FLRT2: variants seen among roughly 807,000 people sequenced by gnomAD.
The protein encoded by FLRT2 is fibronectin leucine rich transmembrane protein 2.
Under a neutral mutation model 40.0 loss-of-function variants are expected in FLRT2, and 15 were observed. The ratio of observed to expected loss-of-function variants is 0.38; its 90% CI spans 0.25 to 0.58. The LOEUF is 0.58. Among genes scored for constraint, FLRT2 ranks in the 20% least tolerant of loss-of-function variants. The pLI, the probability that FLRT2 is intolerant of heterozygous loss-of-function variation, is 0.71. For missense variants in FLRT2, 726 were observed against 840.0 expected, an observed-to-expected ratio of 0.86 and a Z score of 1.68; for synonymous variants, 380 against 336.8, an observed-to-expected ratio of 1.13 and a Z score of -1.41.
chr14:85,594,646 T>G (rs937009262), intron 1 of FLRT2, among the ~76,000 whole-genome samples: 4 of 152,164 alleles, frequency 2.6e-5, no homozygotes, highest in African/African-American at 9.7e-5. Flanking sequence ...GAGAAACACA[T>G]GTTTTGGTAC....
chr14:85,600,516 G>A (rs1892337659), intron 1 of FLRT2, among the ~76,000 whole-genome samples: 1 of 152,200 alleles, frequency 6.6e-6, no homozygotes. Flanking sequence ...GACTCTGACA[G>A]GACATCAGAG....
chr14:85,599,968 T>G (rs1052215183), intron 1 of FLRT2, among the ~76,000 whole-genome samples: 2 of 152,148 alleles, frequency 1.3e-5, no homozygotes, highest in Non-Finnish European at 2.9e-5. Context: ...CAGTATATGA[T>G]GGGCACAATG....
Position 85,644,229 on chromosome 14 carries a change from A to G in FLRT2, c.*20732A>G, listed in dbSNP as rs919080329. On this transcript the variant is annotated 3_prime_UTR_variant, in exon 2 of 2. Coordinates refer to ENST00000330753, the MANE Select transcript of FLRT2 (RefSeq NM_013231.6). ...TACTCAGGTGGTAATTCCAGTTGCT[A>G]TGGTTGTGGAAGATATGGTCTCTAC... 1.3e-5 allele frequency: 2 copies of G among 152,102 alleles called. No individual in the cohort carries two copies. Among genetic ancestry groups the G allele is most frequent in the African/African-American group, 4.8e-5 (2 of 41,408 alleles). 9.4% of individuals were successfully genotyped at this position (152,102 alleles called of 1,614,324 possible). A position where few individuals can be genotyped will look rare whatever the true frequency, so the allele number is the denominator to read the frequency against.
intron 1 of FLRT2, among the ~76,000 whole-genome samples, chr14:85,564,083 G>A (rs984373493): frequency 1.3e-5 from 2 of 152,158 alleles, no homozygotes; most frequent in African/African-American, 4.8e-5. Flanking sequence ...GGAGAGGGTG[G>A]ACAGAGCGTT....
chr14:85,535,030 C>A (rs1352204505), intron 1 of FLRT2, among the ~76,000 whole-genome samples: 2 of 152,230 alleles, frequency 1.3e-5, no homozygotes, highest in African/African-American at 4.8e-5. Flanking sequence ...GTTAGCTAAC[C>A]AAGTGTAAGG....
In FLRT2 at chr14:85,602,826, T is replaced by C. The variant is rs562096547; in HGVS notation, c.-376-18313T>C. 1.6e-4 allele frequency among the ~76,000 whole-genome samples: 25 copies of C among 152,192 alleles called. 1 individual carries two copies. In the South Asian group the frequency reaches 2.9e-3, roughly 18 times the overall value. On this transcript the variant is annotated intron_variant, in intron 1 of 1. Transcript: ENST00000330753. ...TGTTTAAAATGGAACAAATAAACCA[T>C]TTGGAAGAGGTATTACATAGAAATC... is the stretch of plus-strand genomic sequence containing the variant.
chr14:85,594,670 C>T (rs915469203), intron 1 of FLRT2, among the ~76,000 whole-genome samples: 1 of 152,036 alleles, frequency 6.6e-6, no homozygotes, highest in African/African-American at 2.4e-5. Context: ...TGAATCTAAA[C>T]CCGTCTCCTA....
At chr14:85,543,219 G>A (rs112150039) in intron 1 of FLRT2, among the ~76,000 whole-genome samples, 1,715 of 152,294 alleles carry the variant, frequency 0.011, 34 homozygotes, top group African/African-American at 0.039. Context: ...GTGAGTTCTT[G>A]AAAGCTCCCA....
intron 1 of FLRT2, among the ~76,000 whole-genome samples, chr14:85,617,723 C>T (rs933212289): frequency 6.6e-6 from 1 of 152,120 alleles, no homozygotes; most frequent in Non-Finnish European, 1.5e-5. Flanking sequence ...TAGGTGTAAG[C>T]TGCTGTTGAT....
At chr14:85,620,206 G>A (rs965047862) in intron 1 of FLRT2, among the ~76,000 whole-genome samples, 4 of 152,060 alleles carry the variant, frequency 2.6e-5, no homozygotes, top group African/African-American at 4.8e-5. Context: ...TGTTCACTAC[G>A]TTTATACTAC....
chr14:85,612,019 G>A (rs1470094121), intron 1 of FLRT2, among the ~76,000 whole-genome samples: 2 of 122,536 alleles, frequency 1.6e-5, no homozygotes, highest in Admixed American at 1.0e-4. Flanking sequence ...ATATGCACAA[G>A]GCCTGGGTGA....
intron 1 of FLRT2, among the ~76,000 whole-genome samples, chr14:85,612,061 C>A (rs1387581836): frequency 0.063 from 3,893 of 61,824 alleles, no homozygotes; most frequent in South Asian, 0.11. Context: ...ACTTACTTTT[C>A]AAAAAAAAAA....
chr14:85,536,223 T>A (rs1888652202), intron 1 of FLRT2, among the ~76,000 whole-genome samples: 1 of 152,082 alleles, frequency 6.6e-6, no homozygotes, highest in South Asian at 2.1e-4. Context: ...TTAGACAACT[T>A]TATATTTTCC....
In FLRT2 at chr14:85,590,694, G is replaced by A. The variant is rs376827099; in HGVS notation, c.-376-30445G>A. Among the ~76,000 whole-genome samples the A allele has an allele frequency of 2.5e-3, 381 of 152,122 alleles. 5 individuals carry two copies. Among genetic ancestry groups the A allele is most frequent in the African/African-American group, 8.7e-3 (363 of 41,510 alleles). ...GGCTCACTGCAACCTCTGCCTCCCC[G>A]GTTCAAGCAATTCTCTGTCTCAGCC... On this transcript the variant is annotated intron_variant, in intron 1 of 1. Coordinates refer to ENST00000330753, the MANE Select transcript of FLRT2 (RefSeq NM_013231.6).
At position 85,636,270 on chromosome 14, in the gene FLRT2, A is replaced by C. The variant is rs1264152569; in HGVS notation, c.*12773A>C. 6.6e-6 allele frequency: 1 copy of C among 151,966 alleles called. No individual in the cohort carries two copies. Among genetic ancestry groups the C allele is most frequent in the Non-Finnish European group, 1.5e-5 (1 of 67,972 alleles). 9.4% of individuals were successfully genotyped at this position (151,966 alleles called of 1,614,324 possible). On this transcript the variant is annotated 3_prime_UTR_variant, in exon 2 of 2. Coordinates refer to ENST00000330753, the MANE Select transcript of FLRT2 (RefSeq NM_013231.6). ...TATTTTTAAAAGAATTTATCAAAGTAACTATAATAAAAGTATTTAATGGTA... is the reference window on the plus strand; with the variant it reads ...TATTTTTAAAAGAATTTATCAAAGTCACTATAATAAAAGTATTTAATGGTA...
In FLRT2 at chr14:85,621,582, C is replaced by T. The variant is rs149395539; in HGVS notation, c.68C>T (p.Ser23Phe). The change falls in exon 2 of 2, where the codon TCC becomes TTC. Residue 23 changes from serine (S) to phenylalanine (F), a missense_variant. Physicochemically the swap from Ser to Phe is radical, Grantham distance 155 (BLOSUM62 -2). Transcript: ENST00000330753. ...TTCCTGAAGTCTTGGCTTATCATTT[C>T]CCTGGGGCTCTACTCACAGGTGTCC... ...AFFLKSWLII[S>F]LGLYSQVSKL... 89 of 1,613,936 alleles carry T rather than the reference C, an allele frequency of 5.5e-5. No homozygotes were observed. Among genetic ancestry groups the T allele is most frequent in the Middle Eastern group, 1.6e-4 (1 of 6,084 alleles).
At chr14:85,587,943 T>G (rs546793619) in intron 1 of FLRT2, among the ~76,000 whole-genome samples, 114 of 152,176 alleles carry the variant, frequency 7.5e-4, no homozygotes, top group African/African-American at 2.7e-3. Context: ...TTGTTTGTTT[T>G]TTTTTTGAGA....
rs1893809194 is a variant in FLRT2, at chr14:85,629,377, T to C, written c.*5880T>C. ...CAAGTATTTGAAAACTTAGAAATTG[T>C]ATTTCGTAATTACACATGCAGACAT... On this transcript the variant is annotated 3_prime_UTR_variant, in exon 2 of 2. Coordinates refer to ENST00000330753, the MANE Select transcript of FLRT2 (RefSeq NM_013231.6). 6.6e-6 allele frequency: 1 copy of C among 152,236 alleles called. No individual in the cohort carries two copies. The highest frequency in any genetic ancestry group is 2.1e-4 in the South Asian group (1 of 4,832). 9.4% of individuals were successfully genotyped at this position (152,236 alleles called of 1,614,324 possible). A position where few individuals can be genotyped will look rare whatever the true frequency, so the allele number is the denominator to read the frequency against.
chr14:85,607,826 C>G (rs951208574), intron 1 of FLRT2, among the ~76,000 whole-genome samples: 1 of 152,214 alleles, frequency 6.6e-6, no homozygotes, highest in African/African-American at 2.4e-5. Flanking sequence ...CAAAGTACCA[C>G]AGACTGCACA....
Sources: gnomAD v4.1 joint callset for allele counts (sites outside exome capture counted in the v4.1 genomes callset) on GRCh38, gnomAD v4.1.1 for gene constraint, MANE v1.5 for transcripts, NCBI Gene and HGNC (gene_info 2026-07-23, HGNC 2026-07-21) for gene names.